Variants in COG6 observed in about 807,000 individuals in gnomAD.
The protein encoded by COG6 is conserved oligomeric Golgi complex subunit 6.
In COG6, 74 loss-of-function variants were observed where a neutral mutation model predicts 88.8. That is an observed-to-expected ratio of 0.83 (90% CI 0.69 to 1.01). COG6 has a LOEUF of 1.01. Among genes scored for constraint, COG6 ranks in the 50% least tolerant of loss-of-function variants. COG6 has a pLI of 0.00. For missense variants in COG6, 800 were observed against 797.9 expected, an observed-to-expected ratio of 1.00 and a Z score of -0.03; for synonymous variants, 286 against 278.7, an observed-to-expected ratio of 1.03 and a Z score of -0.26.
At chr13:39,764,609 A>G (rs1227402644) in intron 18 of COG6, among the ~76,000 whole-genome samples, 1 of 151,858 alleles carries the variant, frequency 6.6e-6, no homozygotes, top group African/African-American at 2.4e-5. Context: ...GCTAATTTCC[A>G]TTGTGATTTA....
At chr13:39,719,166 G>T in intron 13 of COG6, 70 bp from the exon 14 acceptor site, 1 of 1,467,130 alleles carries the variant, frequency 6.8e-7, no homozygotes. Context: ...TTTTTACTAT[G>T]AACTTACATT....
chr13:39,749,570 A>G (rs1181112135), intron 18 of COG6, among the ~76,000 whole-genome samples: 1 of 152,190 alleles, frequency 6.6e-6, no homozygotes, highest in Non-Finnish European at 1.5e-5. Flanking sequence ...AGGAACAGAA[A>G]AAGTGCCATG....
Position 39,709,965 on chromosome 13 carries a change from C to T in COG6, c.1285-9271C>T, listed in dbSNP as rs542480716. On this transcript the variant is annotated intron_variant, in intron 13 of 18. Coordinates refer to ENST00000455146, the MANE Select transcript of COG6 (RefSeq NM_020751.3). ...GGATTTGTTTGGTAATTGTGTATTCCATTGATTTATTTTAGATTATTTATT... is the reference window on the plus strand; with the variant it reads ...GGATTTGTTTGGTAATTGTGTATTCTATTGATTTATTTTAGATTATTTATT... Among the ~76,000 whole-genome samples the T allele has an allele frequency of 6.8e-4, 103 of 152,142 alleles. 1 individual carries two copies. The highest frequency in any genetic ancestry group is 2.5e-3 in the African/African-American group (102 of 41,528).
chr13:39,707,081 G>T (rs961288350), intron 13 of COG6, among the ~76,000 whole-genome samples: 2 of 151,254 alleles, frequency 1.3e-5, no homozygotes, highest in African/African-American at 4.9e-5. Flanking sequence ...ATAATGACTT[G>T]ATGTTTAGTA....
intron 1 of COG6, among the ~76,000 whole-genome samples, chr13:39,657,319 A>T (rs1437606803): frequency 6.6e-6 from 1 of 152,186 alleles, no homozygotes; most frequent in Non-Finnish European, 1.5e-5. Context: ...GGCGTGAACC[A>T]CTGCGCCCGG....
intron 13 of COG6, among the ~76,000 whole-genome samples, chr13:39,706,526 A>T (rs1263612758): frequency 6.6e-6 from 1 of 151,786 alleles, no homozygotes. Context: ...TTCTCTAGTA[A>T]AAGTCAGAGC....
chr13:39,712,249 T>C (rs1186032853), intron 13 of COG6, among the ~76,000 whole-genome samples: 1 of 152,170 alleles, frequency 6.6e-6, no homozygotes, highest in African/African-American at 2.4e-5. Flanking sequence ...AATACTGTAC[T>C]TATGGATCCC....
At position 39,752,029 on chromosome 13, in the gene COG6, C is replaced by A; in HGVS notation, c.*936C>A. ...GAGGAGTTGCCAATTGGCAGTGTGT[C>A]TTATCTCCATGTTGTAACTGGACTC... is the stretch of plus-strand genomic sequence containing the variant. On this transcript the variant is annotated 3_prime_UTR_variant, in exon 19 of 19. Transcript: ENST00000455146. 7.8e-7 allele frequency: 1 copy of A among 1,281,870 alleles called. No homozygotes were observed. Among genetic ancestry groups the A allele is most frequent in the Non-Finnish European group, 1.0e-6 (1 of 983,830 alleles). 79.4% of individuals were successfully genotyped at this position (1,281,870 alleles called of 1,614,324 possible). A position where few individuals can be genotyped will look rare whatever the true frequency, so the allele number is the denominator to read the frequency against.
intron 18 of COG6, among the ~76,000 whole-genome samples, chr13:39,733,897 T>C (rs1879593721): frequency 1.3e-5 from 2 of 152,178 alleles, no homozygotes; most frequent in African/African-American, 4.8e-5. Context: ...AATTTATTCA[T>C]TTCTTCTAAG....
chr13:39,775,179 G>C lies in COG6; in HGVS notation c.1827-13156G>C, dbSNP rs1398534163. ...GGAGGTTCCATTTCGTTTGTCATCTGTTACCTAAGGTAAGTTACTCTGGGA... is the reference window on the plus strand; with the variant it reads ...GGAGGTTCCATTTCGTTTGTCATCTCTTACCTAAGGTAAGTTACTCTGGGA... On this transcript the variant is annotated intron_variant, in intron 18 of 18. Transcript: ENST00000416691. Among the ~76,000 whole-genome samples the C allele has an allele frequency of 2.6e-5, 4 of 152,078 alleles. No homozygotes were observed. In the East Asian group the frequency reaches 7.7e-4, roughly 29 times the overall value.
chr13:39,703,123 A>G (rs1031902974), intron 13 of COG6, among the ~76,000 whole-genome samples: 1 of 152,120 alleles, frequency 6.6e-6, no homozygotes, highest in Non-Finnish European at 1.5e-5. Flanking sequence ...ACATCAGGAA[A>G]GCCCCCCAGG....
chr13:39,717,104 C>T (rs1044934678), intron 13 of COG6, among the ~76,000 whole-genome samples: 1 of 152,168 alleles, frequency 6.6e-6, no homozygotes, highest in Non-Finnish European at 1.5e-5. Flanking sequence ...ATTTGAAATA[C>T]TTGGTTGACA....
intron 18 of COG6, among the ~76,000 whole-genome samples, chr13:39,741,312 G>A (rs1372299311): frequency 6.6e-6 from 1 of 152,140 alleles, no homozygotes; most frequent in African/African-American, 2.4e-5. Context: ...ACTTCTCTGA[G>A]CTAAAGGAGG....
intron 13 of COG6, among the ~76,000 whole-genome samples, chr13:39,714,257 C>A (rs1878402522): frequency 2.0e-5 from 3 of 148,480 alleles, no homozygotes; most frequent in Admixed American, 6.7e-5. Context: ...CTTCCAAGTG[C>A]AACAAAAATA....
rs1273422628 is a variant in COG6 at position 39,655,888 on chromosome 13, G to A, written c.153+9G>A. On this transcript the variant is annotated intron_variant, in intron 1 of 18. Coordinates refer to ENST00000455146, the MANE Select transcript of COG6 (RefSeq NM_020751.3). ...GGCTGGACAACGACAAGGTAACCGG[G>A]GCTGGCGGGGCCGGAGTCACAGGTT... 1.9e-6 allele frequency: 3 copies of A among 1,603,944 alleles called. No homozygotes were observed. Among genetic ancestry groups the A allele is most frequent in the Non-Finnish European group, 2.5e-6 (3 of 1,176,532 alleles).
Position 39,687,769 on chromosome 13 carries a change from G to A in COG6, c.979G>A (p.Glu327Lys). 1 of 1,613,940 alleles carries A rather than the reference G, an allele frequency of 6.2e-7. No homozygotes were observed. The change falls in exon 10 of 19, where the codon GAA (glutamate) becomes AAA (lysine). Residue 327 changes from glutamate to lysine, a missense_variant. Physicochemically the swap from Glu to Lys is moderately conservative, Grantham distance 56. Transcript: ENST00000455146. Reference protein sequence around the residue: ...QATASEKEHLEALLKHVTTQG... With the variant: ...QATASEKEHLKALLKHVTTQG... ...TACTGCTTCTGAAAAGGAACACCTT[G>A]AAGCTCTCTTAAAGCATGTAACTAC...
chr13:39,665,220 A>G (rs1285750195), intron 4 of COG6, 66 bp downstream of exon 4: 15 of 824,764 alleles, frequency 1.8e-5, no homozygotes, highest in South Asian at 4.2e-5. Flanking sequence ...AAAATTATAT[A>G]TAACTCCAAA....
Position 39,782,315 on chromosome 13 carries a change from A to G in COG6, c.1827-6020A>G, listed in dbSNP as rs1204919512. ...AATCTGAAAAAACTATGAAATAATC[A>G]TTTCAAGACACTGGACAACAGGTAG... On this transcript the variant is annotated intron_variant, in intron 18 of 18. Transcript: ENST00000416691. 1.3e-5 allele frequency among the ~76,000 whole-genome samples: 2 copies of G among 152,220 alleles called. 1 individual carries two copies. The highest frequency in any genetic ancestry group is 1.3e-4 in the Admixed American group (2 of 15,286).
intron 13 of COG6, among the ~76,000 whole-genome samples, chr13:39,701,437 T>G (rs1877572268): frequency 6.6e-6 from 1 of 151,862 alleles, no homozygotes; most frequent in South Asian, 2.1e-4. Flanking sequence ...ATGAAGTCAC[T>G]AGGAATAATT....
Sources: allele counts gnomAD v4.1 joint callset (sites outside exome capture counted in the v4.1 genomes callset), GRCh38; gene constraint gnomAD v4.1.1; transcripts MANE v1.5; gene names NCBI Gene and HGNC (gene_info 2026-07-23, HGNC 2026-07-21).